The following DSCAM variants were observed in gnomAD, a reference collection of about 807,000 sequenced individuals.
The protein encoded by DSCAM is DS cell adhesion molecule.
In DSCAM, 47 loss-of-function variants were observed where a neutral mutation model predicts 217.7. The ratio of observed to expected loss-of-function variants is 0.22; its 90% confidence interval spans 0.17 to 0.28. The LOEUF is 0.28. Among genes scored for constraint, DSCAM ranks in the 10% least tolerant of loss-of-function variants. The pLI is 1.00. For synonymous variants in DSCAM, 1,056 were observed against 1,015.3 expected, an observed-to-expected ratio of 1.04 and a Z score of -0.76; for missense variants, 2,080 against 2,618.3, an observed-to-expected ratio of 0.79 and a Z score of 4.49.
At chr21:40,143,051 T>A (rs936920488) in intron 17 of DSCAM, among the ~76,000 whole-genome samples, 1 of 152,218 alleles carries the variant, frequency 6.6e-6, no homozygotes, top group African/African-American at 2.4e-5. Flanking sequence ...ATTTTCCCCT[T>A]ACTCTTGGAA....
intron 8 of DSCAM, among the ~76,000 whole-genome samples, chr21:40,323,184 C>A (rs773631926): frequency 6.6e-6 from 1 of 152,192 alleles, no homozygotes; most frequent in Non-Finnish European, 1.5e-5. Flanking sequence ...TTCGCCCAGT[C>A]CTTCTTCCTG....
chr21:40,203,854 G>A (rs1176749519), intron 11 of DSCAM, among the ~76,000 whole-genome samples: 1 of 152,062 alleles, frequency 6.6e-6, no homozygotes, highest in African/African-American at 2.4e-5. Flanking sequence ...TTAAGATAAT[G>A]GGATCATACA....
At chr21:40,730,296 G>C (rs180822677) in intron 1 of DSCAM, among the ~76,000 whole-genome samples, 298 of 152,324 alleles carry the variant, frequency 2.0e-3, no homozygotes, top group Non-Finnish European at 3.7e-3. Context: ...GTTGGGGTGA[G>C]TGGCTGGCTG....
chr21:40,540,434 T>C (rs1476626121), intron 3 of DSCAM, among the ~76,000 whole-genome samples: 2 of 152,120 alleles, frequency 1.3e-5, no homozygotes, highest in East Asian at 3.9e-4. Context: ...CACATCTACG[T>C]CCCTCCATGC....
intron 3 of DSCAM, among the ~76,000 whole-genome samples, chr21:40,390,368 C>G (rs915808319): frequency 6.6e-6 from 1 of 152,154 alleles, no homozygotes; most frequent in Admixed American, 6.5e-5. Flanking sequence ...CCTTTAAAAA[C>G]TGACAGGTAC....
intron 3 of DSCAM, among the ~76,000 whole-genome samples, chr21:40,556,419 AT>A (rs2076672278): frequency 6.6e-6 from 1 of 152,240 alleles, no homozygotes; most frequent in Non-Finnish European, 1.5e-5. Context: ...TATTAAGAAA[AT>A]TGTAAGGAAG....
At position 40,692,798 on chromosome 21, in the gene DSCAM, C is replaced by G. The variant is rs377310065; in HGVS notation, c.508+12G>C. On this transcript the variant is annotated intron_variant, in intron 3 of 32. Transcript: ENST00000400454. ...AGCGTGGTGTCCTGCACCCTGGAGACGCAAAGCCTACCTGAGACAAGTGAA... is the reference window on the plus strand; with the variant it reads ...AGCGTGGTGTCCTGCACCCTGGAGAGGCAAAGCCTACCTGAGACAAGTGAA... 1.9e-6 allele frequency: 3 copies of G among 1,608,876 alleles called. No homozygotes were observed. Among genetic ancestry groups the G allele is most frequent in the Admixed American group, 3.3e-5 (2 of 59,944 alleles).
At chr21:40,815,166 T>A (rs1003261423) in intron 1 of DSCAM, among the ~76,000 whole-genome samples, 3 of 151,952 alleles carry the variant, frequency 2.0e-5, no homozygotes, top group Non-Finnish European at 4.4e-5. Context: ...TAGTTCCAGT[T>A]CCCAAAGAAA....
At chr21:40,791,696 A>T (rs1382715322) in intron 1 of DSCAM, among the ~76,000 whole-genome samples, 1 of 152,154 alleles carries the variant, frequency 6.6e-6, no homozygotes, top group East Asian at 1.9e-4. Flanking sequence ...ATGTCATTAT[A>T]GTTCTTGGAG....
At chr21:40,292,606 A>G (rs2073906987) in intron 10 of DSCAM, among the ~76,000 whole-genome samples, 1 of 152,186 alleles carries the variant, frequency 6.6e-6, no homozygotes, top group Non-Finnish European at 1.5e-5. Flanking sequence ...CAAATTGTCA[A>G]TACATATTGA....
At chr21:40,228,316 A>T (rs905279305) in intron 11 of DSCAM, among the ~76,000 whole-genome samples, 1 of 152,130 alleles carries the variant, frequency 6.6e-6, no homozygotes, top group Non-Finnish European at 1.5e-5. Flanking sequence ...AGTGAGAGTT[A>T]TGCTTCATCT....
At chr21:40,479,247 A>G (rs1235689694) in intron 3 of DSCAM, among the ~76,000 whole-genome samples, 1 of 152,218 alleles carries the variant, frequency 6.6e-6, no homozygotes, top group Non-Finnish European at 1.5e-5. Context: ...ACTCAGGTCC[A>G]TTGGACATGA....
chr21:40,664,809 G>A (rs924536367), intron 3 of DSCAM, among the ~76,000 whole-genome samples: 6 of 152,198 alleles, frequency 3.9e-5, no homozygotes, highest in African/African-American at 1.4e-4. Context: ...TTGGATGTTT[G>A]TCCCCTCCAA....
chr21:40,810,220 G>A (rs940560391), intron 1 of DSCAM, among the ~76,000 whole-genome samples: 1 of 152,168 alleles, frequency 6.6e-6, no homozygotes, highest in Non-Finnish European at 1.5e-5. Context: ...CCAAATCTGC[G>A]ATTCACCCTC....
Position 40,067,899 on chromosome 21 carries a change from A to G in DSCAM, c.4889-5000T>C, listed in dbSNP as rs78844290. On this transcript the variant is annotated intron_variant, in intron 27 of 32. Transcript: ENST00000400454. ...TCCTGTCTACCTGCCATCTGTTAAT[A>G]TGAGAACATTGTTCACAGCCTTGTT... Among the ~76,000 whole-genome samples, 13 of 151,986 alleles carry G rather than the reference A, an allele frequency of 8.6e-5. No individual in the cohort carries two copies. The East Asian group carries it at 2.5e-3, about 30-fold the overall frequency.
intron 32 of DSCAM, among the ~76,000 whole-genome samples, chr21:40,036,339 C>T (rs2088622712): frequency 6.7e-6 from 1 of 149,458 alleles, no homozygotes; most frequent in African/African-American, 2.5e-5. Context: ...GGGACATCAC[C>T]ACCAATCCCA....
intron 3 of DSCAM, among the ~76,000 whole-genome samples, chr21:40,672,967 C>T (rs1404700011): frequency 6.6e-6 from 1 of 152,216 alleles, no homozygotes; most frequent in African/African-American, 2.4e-5. Context: ...CACACAGCAA[C>T]AGCAGTCACA....
At chr21:40,376,649 G>A (rs374125410) in intron 3 of DSCAM, among the ~76,000 whole-genome samples, 1,153 of 52,846 alleles carry the variant, frequency 0.022, 85 homozygotes, top group South Asian at 0.036. Flanking sequence ...TATAGATATC[G>A]ATATCTATAT....
At chr21:40,738,775 A>C (rs996631684) in intron 1 of DSCAM, among the ~76,000 whole-genome samples, 1 of 152,218 alleles carries the variant, frequency 6.6e-6, no homozygotes, top group Non-Finnish European at 1.5e-5. Flanking sequence ...CACTTGGAGA[A>C]GCAAAGTCCT....
Sources: allele counts gnomAD v4.1 joint callset (sites outside exome capture counted in the v4.1 genomes callset), GRCh38; gene constraint gnomAD v4.1.1; transcripts MANE v1.5; gene names NCBI Gene and HGNC (gene_info 2026-07-23, HGNC 2026-07-21).